Variants in PALLD observed in about 807,000 individuals in gnomAD.
The protein encoded by PALLD is palladin, cytoskeletal associated protein.
Under a neutral mutation model 123.5 loss-of-function variants are expected in PALLD, and 61 were observed. The ratio of observed to expected loss-of-function variants is 0.49; its 90% CI spans 0.40 to 0.61. The LOEUF is 0.61. Ranked by LOEUF, PALLD falls within the 20% of genes least tolerant of loss-of-function variation. The pLI is 0.00. For missense variants in PALLD, 1,273 were observed against 1,377.0 expected (o/e 0.92, Z 1.20); for synonymous variants, 465 against 496.4 (o/e 0.94, Z 0.84).
intron 2 of PALLD, among the ~76,000 whole-genome samples, chr4:168,613,736 CAG>C (rs1773951842): frequency 6.6e-6 from 1 of 152,198 alleles, no homozygotes; most frequent in African/African-American, 2.4e-5. Flanking sequence ...TTCCAGGAGA[CAG>C]AGTGTGCCCC....
chr4:168,914,431 C>A (rs976042108), intron 16 of PALLD, among the ~76,000 whole-genome samples: 1 of 152,186 alleles, frequency 6.6e-6, no homozygotes, highest in Non-Finnish European at 1.5e-5. Flanking sequence ...AAAATCAGCT[C>A]ATTTGTTAAT....
intron 8 of PALLD, among the ~76,000 whole-genome samples, chr4:168,695,413 C>T (rs1462585952): frequency 3.9e-5 from 6 of 152,184 alleles, no homozygotes; most frequent in African/African-American, 1.4e-4. Context: ...TGGGGTGCCA[C>T]ACCACGCTGA....
chr4:168,521,849 C>T (rs1462969732), intron 2 of PALLD, among the ~76,000 whole-genome samples: 1 of 152,086 alleles, frequency 6.6e-6, no homozygotes, highest in African/African-American at 2.4e-5. Context: ...GGATACTTTC[C>T]CTTGGTCTCT....
rs573017779 is a variant in PALLD, at chr4:168,559,906, G to A, written c.908+47494G>A. ...TCTCAAAAAGAAAGAAAGAGAGAGAGAAAAAAAAAGAGAAAGAGAGAGAGA... is the reference window on the plus strand; with the variant it reads ...TCTCAAAAAGAAAGAAAGAGAGAGAAAAAAAAAAAGAGAAAGAGAGAGAGA... On this transcript the variant is annotated intron_variant, in intron 2 of 21. Transcript: ENST00000505667. Among the ~76,000 whole-genome samples, 33 of 147,790 alleles carry A rather than the reference G, an allele frequency of 2.2e-4. No individual in the cohort carries two copies. In the East Asian group the frequency reaches 4.9e-3, roughly 22 times the overall value.
intron 10 of PALLD, among the ~76,000 whole-genome samples, chr4:168,768,460 C>T (rs1027161981): frequency 3.9e-5 from 6 of 152,094 alleles, no homozygotes; most frequent in Non-Finnish European, 7.4e-5. Flanking sequence ...AGGGAAGAAA[C>T]AAAGATATGT....
At chr4:168,860,109 C>G (rs1480696286) in intron 10 of PALLD, among the ~76,000 whole-genome samples, 1 of 152,190 alleles carries the variant, frequency 6.6e-6, no homozygotes, top group Non-Finnish European at 1.5e-5. Context: ...GGTGAACACA[C>G]AACCTTTACA....
At chr4:168,851,056 G>GCA (rs1364743189) in intron 10 of PALLD, among the ~76,000 whole-genome samples, 1 of 152,110 alleles carries the variant, frequency 6.6e-6, no homozygotes, top group Non-Finnish European at 1.5e-5. Flanking sequence ...CAGGCCAGCA[G>GCA]CACACACACA....
At chr4:168,539,800 T>C (rs1476270728) in intron 2 of PALLD, among the ~76,000 whole-genome samples, 1 of 152,162 alleles carries the variant, frequency 6.6e-6, no homozygotes, top group Non-Finnish European at 1.5e-5. Flanking sequence ...TTATACTTTA[T>C]TTTATTTTTT....
chr4:168,515,699 G>A (rs894727318), intron 2 of PALLD, among the ~76,000 whole-genome samples: 3 of 152,134 alleles, frequency 2.0e-5, no homozygotes, highest in Non-Finnish European at 2.9e-5. Flanking sequence ...GCTGGAACAC[G>A]GGGGAGAAAC....
chr4:168,795,064 G>A (rs1738289713), intron 10 of PALLD, among the ~76,000 whole-genome samples: 1 of 152,162 alleles, frequency 6.6e-6, no homozygotes, highest in Admixed American at 6.5e-5. Flanking sequence ...GGGACCGGGA[G>A]CTCTGGGGCT....
chr4:168,876,243 C>T (rs1273601767), intron 10 of PALLD, among the ~76,000 whole-genome samples: 3 of 152,212 alleles, frequency 2.0e-5, no homozygotes, highest in African/African-American at 7.2e-5. Flanking sequence ...GATTTTAGAG[C>T]TAGTGGGTGG....
rs1762578113 is a variant in PALLD, at chr4:168,512,107, C to G, written c.603C>G (p.Asp201Glu). The G allele has an allele frequency of 1.2e-6, 2 of 1,614,212 alleles. No homozygotes were observed. The highest frequency in any genetic ancestry group is 1.7e-6 in the Non-Finnish European group (2 of 1,180,030). The change falls in exon 2 of 22, where the codon GAC becomes GAG. Residue 201 changes from aspartate (D) to glutamate (E), a missense_variant. Physicochemically the swap from Asp to Glu is conservative, Grantham distance 45 (BLOSUM62 2). This residue lies in a region of PALLD where 944 missense variants were observed against 954.5 expected (regional missense o/e 0.99). Coordinates refer to ENST00000505667, the MANE Select transcript of PALLD (RefSeq NM_001166108.2). ...RSPNGESSSP[D>E]SGYLSPKNQP... is the part of the protein sequence containing the mutation. Reference sequence around the variant, plus strand: ...CAAATGGGGAGTCCTCGTCACCAGACAGTGGGTACCTGTCTCCTAAAAATC... The same window carrying G: ...CAAATGGGGAGTCCTCGTCACCAGAGAGTGGGTACCTGTCTCCTAAAAATC...
At chr4:168,655,601 A>G (rs1199786653) in intron 2 of PALLD, among the ~76,000 whole-genome samples, 1 of 152,260 alleles carries the variant, frequency 6.6e-6, no homozygotes, top group Non-Finnish European at 1.5e-5. Flanking sequence ...AACAGATGAA[A>G]AATAAAGAAG....
At chr4:168,874,815 T>C (rs1751525642) in intron 10 of PALLD, among the ~76,000 whole-genome samples, 1 of 152,170 alleles carries the variant, frequency 6.6e-6, no homozygotes, top group Non-Finnish European at 1.5e-5. Flanking sequence ...GTAAGTGGAC[T>C]GTGCCAGGTC....
At chr4:168,551,937 T>C (rs570282501) in intron 2 of PALLD, among the ~76,000 whole-genome samples, 2 of 152,176 alleles carry the variant, frequency 1.3e-5, no homozygotes, top group Non-Finnish European at 2.9e-5. Context: ...AGTCATGACA[T>C]ACCAAGTCAA....
At chr4:168,536,514 C>G (rs1765096123) in intron 2 of PALLD, 1 of 152,234 alleles carries the variant, frequency 6.6e-6, no homozygotes, top group East Asian at 1.9e-4. Flanking sequence ...AACTGACTCA[C>G]AGTTCATGGC....
intron 2 of PALLD, among the ~76,000 whole-genome samples, chr4:168,614,654 T>G (rs1221233521): frequency 6.6e-6 from 1 of 152,198 alleles, no homozygotes. Flanking sequence ...CCAGATGTAG[T>G]TAGGTCCCTA....
rs190926686 is a variant in PALLD, at chr4:168,832,646, G to A, written c.1965-58276G>A. 444 of 152,764 alleles carry A rather than the reference G, an allele frequency of 2.9e-3. 1 individual carries two copies. Among genetic ancestry groups the A allele is most frequent in the African/African-American group, 0.01 (431 of 41,596 alleles). 9.5% of individuals were successfully genotyped at this position (152,764 alleles called of 1,614,324 possible). A position where few individuals can be genotyped will look rare whatever the true frequency, so the allele number is the denominator to read the frequency against. On this transcript the variant is annotated intron_variant, in intron 10 of 21. Transcript: ENST00000505667. ...GACATCATTCCCTGGCAGCTGGCGG[G>A]GAGAGGGTGGGGACGGAGGGGTCCC... is the stretch of plus-strand genomic sequence containing the variant.
chr4:168,841,785 C>G (rs1746075018), intron 10 of PALLD, among the ~76,000 whole-genome samples: 1 of 152,188 alleles, frequency 6.6e-6, no homozygotes, highest in Non-Finnish European at 1.5e-5. Context: ...AGAATAATCA[C>G]CTTGGACTCC....
Sources: gnomAD v4.1 joint callset for allele counts (sites outside exome capture counted in the v4.1 genomes callset) on GRCh38, gnomAD v4.1.1 for gene constraint, gnomAD v4.1.1 regional missense constraint, MANE v1.5 for transcripts, NCBI Gene and HGNC (gene_info 2026-07-23, HGNC 2026-07-21) for gene names.